Variants in RGS7 observed in about 807,000 individuals in gnomAD.
The protein encoded by RGS7 is regulator of G protein signaling 7.
Under a neutral mutation model 81.1 loss-of-function variants are expected in RGS7, and 27 were observed. The observed-to-expected ratio is 0.33, with a 90% CI of 0.25 to 0.46. RGS7 has a LOEUF of 0.46. Among genes scored for constraint, RGS7 ranks in the 20% least tolerant of loss-of-function variants. RGS7 has a pLI of 1.00. For synonymous variants in RGS7, 208 were observed against 207.7 expected (o/e 1.00, Z -0.01); for missense variants, 396 against 607.4 (o/e 0.65, Z 3.66).
At chr1:240,869,604 C>T (rs1394994798) in intron 7 of RGS7, among the ~76,000 whole-genome samples, 5 of 152,198 alleles carry the variant, frequency 3.3e-5, no homozygotes, top group African/African-American at 1.2e-4. Flanking sequence ...GGGATTCATG[C>T]ACCCACTGTG....
At chr1:241,092,292 C>T (rs569844169) in intron 3 of RGS7, among the ~76,000 whole-genome samples, 10 of 152,286 alleles carry the variant, frequency 6.6e-5, no homozygotes, top group Admixed American at 3.9e-4. Flanking sequence ...TAAAATTAAT[C>T]ATTTCCTCTT....
chr1:240,916,020 T>C (rs1423410246), intron 6 of RGS7, among the ~76,000 whole-genome samples: 1 of 149,318 alleles, frequency 6.7e-6, no homozygotes, highest in Non-Finnish European at 1.5e-5. Flanking sequence ...CCCAGCACTT[T>C]GGGAGGCCAA....
In RGS7 at chr1:240,868,719, T is replaced by G; in HGVS notation, c.528-51A>C. Reference sequence around the variant, plus strand: ...CATTTAGTATTAATTGTAGTGCCTCTCTGAACAAAAAGGCCACAACTGGAA... The same window carrying G: ...CATTTAGTATTAATTGTAGTGCCTCGCTGAACAAAAAGGCCACAACTGGAA... On this transcript the variant is annotated intron_variant, in intron 8 of 18. Transcript: ENST00000440928. This position sits in a 1 kb window ranked among gnomAD's most constrained non-coding sequence, Gnocchi z 5.1. 1 of 1,611,872 alleles carries G rather than the reference T, an allele frequency of 6.2e-7. No homozygotes were observed.
At chr1:241,264,373 C>T (rs2148302383) in intron 2 of RGS7, among the ~76,000 whole-genome samples, 1 of 152,206 alleles carries the variant, frequency 6.6e-6, no homozygotes, top group Admixed American at 6.5e-5. Context: ...TGGCGTGCAC[C>T]TGCAATCCCA....
chr1:241,221,043 G>GGATGGA (rs1390080527), intron 2 of RGS7, among the ~76,000 whole-genome samples: 1 of 83,018 alleles, frequency 1.2e-5, no homozygotes, highest in Non-Finnish European at 2.6e-5. Context: ...GGAAGGAAAA[G>GGATGGA]AAAGAAAGAA....
intron 2 of RGS7, among the ~76,000 whole-genome samples, chr1:241,227,468 C>A (rs2075372643): frequency 6.7e-6 from 1 of 149,100 alleles, no homozygotes; most frequent in African/African-American, 2.5e-5. Context: ...CGAATAGGCT[C>A]ACACCTATAA....
chr1:241,074,745 CGA>C (rs2062692150), intron 3 of RGS7, among the ~76,000 whole-genome samples: 1 of 152,066 alleles, frequency 6.6e-6, no homozygotes, highest in South Asian at 2.1e-4. Context: ...CCATATGAAC[CGA>C]GAGTCAGGTC....
intron 6 of RGS7, among the ~76,000 whole-genome samples, chr1:240,897,980 G>A (rs1210918090): frequency 6.6e-6 from 1 of 152,156 alleles, no homozygotes; most frequent in Non-Finnish European, 1.5e-5. Flanking sequence ...GGTCTATTCA[G>A]GGATTCCACT....
intron 9 of RGS7, among the ~76,000 whole-genome samples, chr1:240,843,527 A>G (rs1229849215): frequency 2.0e-5 from 3 of 152,208 alleles, no homozygotes; most frequent in Non-Finnish European, 4.4e-5. Context: ...TGGCCTCCCA[A>G]GGTGTCAGGA....
intron 3 of RGS7, among the ~76,000 whole-genome samples, chr1:241,025,927 A>G (rs2148710357): frequency 6.6e-6 from 1 of 152,354 alleles, no homozygotes; most frequent in South Asian, 2.1e-4. Flanking sequence ...CAGGTGAAAT[A>G]CAGTCTAAAT....
chr1:241,260,671 A>G (rs1319952578), intron 2 of RGS7, among the ~76,000 whole-genome samples: 1 of 152,142 alleles, frequency 6.6e-6, no homozygotes, highest in Non-Finnish European at 1.5e-5. Flanking sequence ...CTTTACAAGT[A>G]CACATGCTTA....
chr1:241,312,994 C>T (rs1023204569), intron 2 of RGS7, among the ~76,000 whole-genome samples: 1 of 152,120 alleles, frequency 6.6e-6, no homozygotes, highest in East Asian at 1.9e-4. Flanking sequence ...TGATCAAACC[C>T]GCCACAACAT....
chr1:240,926,803 A>C (rs1055542601), intron 6 of RGS7, among the ~76,000 whole-genome samples: 1 of 152,178 alleles, frequency 6.6e-6, no homozygotes, highest in Non-Finnish European at 1.5e-5. Context: ...AAAATACCAG[A>C]AATCTTATCC....
chr1:241,134,592 C>G (rs750198799), intron 2 of RGS7, among the ~76,000 whole-genome samples: 2 of 152,176 alleles, frequency 1.3e-5, no homozygotes, highest in Non-Finnish European at 2.9e-5. Context: ...TATCCCCACA[C>G]CTACGCCATA....
chr1:240,848,789 T>C (rs962652653), intron 9 of RGS7, among the ~76,000 whole-genome samples: 2 of 152,140 alleles, frequency 1.3e-5, no homozygotes, highest in African/African-American at 4.8e-5. Context: ...TTTCTATAAA[T>C]GTATAACATT....
chr1:240,883,354 A>G (rs1287026895), intron 6 of RGS7, among the ~76,000 whole-genome samples: 2 of 152,182 alleles, frequency 1.3e-5, no homozygotes, highest in Non-Finnish European at 2.9e-5. Context: ...TTTTAAAAAA[A>G]CAAAAAACAA....
chr1:241,321,352 G>C (rs1282993595), intron 2 of RGS7, among the ~76,000 whole-genome samples: 1 of 151,950 alleles, frequency 6.6e-6, no homozygotes, highest in Non-Finnish European at 1.5e-5. Flanking sequence ...AGCACAAGCA[G>C]TTTTTTTTAT....
intron 2 of RGS7, among the ~76,000 whole-genome samples, chr1:241,167,156 G>A (rs962996027): frequency 6.6e-6 from 1 of 152,158 alleles, no homozygotes; most frequent in African/African-American, 2.4e-5. Context: ...AATGACACAG[G>A]CATTCTGGAC....
At chr1:241,043,039 T>G (rs1187134963) in intron 3 of RGS7, among the ~76,000 whole-genome samples, 2 of 152,190 alleles carry the variant, frequency 1.3e-5, no homozygotes, top group Non-Finnish European at 1.5e-5. Context: ...TGCTTTCTTT[T>G]GTACAGCCAA....
Sources: allele counts gnomAD v4.1 joint callset (sites outside exome capture counted in the v4.1 genomes callset), GRCh38; gene constraint gnomAD v4.1.1; non-coding constraint Gnocchi (gnomAD v3.1); transcripts MANE v1.5; gene names NCBI Gene and HGNC (gene_info 2026-07-23, HGNC 2026-07-21).